The following CSF1 variants were observed in gnomAD, a reference collection of about 807,000 sequenced individuals.
The protein encoded by CSF1 is colony stimulating factor 1.
A neutral mutation model predicts 48.9 loss-of-function variants in CSF1; 9 were observed. The observed-to-expected ratio is 0.18, with a 90% confidence interval of 0.11 to 0.32. The LOEUF (loss-of-function observed/expected upper bound fraction) is 0.32, where lower values mean the gene tolerates loss of function less well. Ranked by LOEUF, CSF1 falls within the 10% of genes least tolerant of loss-of-function variation. The probability of loss-of-function intolerance (pLI) is 1.00; values close to 1 mark genes in which losing one functional copy is unlikely to be tolerated. For synonymous variants in CSF1, 305 were observed against 284.1 expected, an observed-to-expected ratio of 1.07 and a Z score of -0.74; for missense variants, 672 against 697.9, an observed-to-expected ratio of 0.96 and a Z score of 0.42.
chr1:109,923,449 C>A lies in CSF1; in HGVS notation c.828C>A (p.Gly276=). Residue 276 remains glycine (G), a synonymous_variant, in exon 6 of 9, where the codon GGC becomes GGA. Coordinates refer to ENST00000329608, the MANE Select transcript of CSF1 (RefSeq NM_000757.6). ...TPVVKDSTIG[G]SPQPRPSVGA... ...TTGTCAAGGACAGCACCATCGGTGGCTCACCACAGCCTCGCCCCTCTGTCG... is the reference window on the plus strand; with the variant it reads ...TTGTCAAGGACAGCACCATCGGTGGATCACCACAGCCTCGCCCCTCTGTCG... The A allele has an allele frequency of 1.2e-6, 2 of 1,614,140 alleles. No individual in the cohort carries two copies. Among genetic ancestry groups the A allele is most frequent in the African/African-American group, 2.7e-5 (2 of 75,036 alleles).
chr1:109,919,659 G>C (rs947012237), intron 4 of CSF1, among the ~76,000 whole-genome samples: 2 of 152,226 alleles, frequency 1.3e-5, no homozygotes, highest in Non-Finnish European at 2.9e-5. Flanking sequence ...TGATACACTG[G>C]GTTTAAGAGT....
intron 1 of CSF1, among the ~76,000 whole-genome samples, chr1:109,911,309 CA>C (rs954796272): frequency 2.0e-5 from 3 of 152,192 alleles, no homozygotes; most frequent in African/African-American, 7.2e-5. Context: ...CTGCTCACCC[CA>C]TTGCACGGAG....
chr1:109,911,012 C>T lies in CSF1; in HGVS notation c.-12C>T. 8.6e-7 allele frequency: 1 copy of T among 1,169,182 alleles called. No homozygotes were observed. The highest frequency in any genetic ancestry group is 1.1e-6 in the Non-Finnish European group (1 of 949,298). The allele number at this position is 1,169,182 out of a possible 1,614,324, so 72.4% of individuals were successfully genotyped here. On this transcript the variant is annotated 5_prime_UTR_variant, in exon 1 of 9. Transcript: ENST00000329608. ...GGCGGCCGACGCGCCCGGCCGGGAC[C>T]CAGCTGCCCGTATGACCGCGCCGGG... is the stretch of plus-strand genomic sequence containing the variant.
Position 109,921,865 on chromosome 1 carries a change from T to C in CSF1, c.415T>C (p.Tyr139His). 6.2e-7 allele frequency: 1 copy of C among 1,600,592 alleles called. No homozygotes were observed. The highest frequency in any genetic ancestry group is 8.5e-7 in the Non-Finnish European group (1 of 1,171,018). ...EHDKACVRTFYETPLQLLEKV... is the reference protein window; with the variant it reads ...EHDKACVRTFHETPLQLLEKV... ...CTTCCAGGCCTGCGTCCGAACTTTC[T>C]ATGAGACACCTCTCCAGTTGCTGGA... Residue 139 changes from tyrosine to histidine, a missense_variant, in exon 5 of 9, where the codon TAT becomes CAT. Transcript: ENST00000329608.
At chr1:109,920,026 T>C (rs897087810) in intron 4 of CSF1, among the ~76,000 whole-genome samples, 2 of 151,846 alleles carry the variant, frequency 1.3e-5, no homozygotes, top group Non-Finnish European at 1.5e-5. Context: ...GCACTGATGA[T>C]TATGACCCCC....
rs535821543 is a variant in CSF1 at position 109,913,779 on chromosome 1, G to T, written c.40-480G>T. 9.2e-5 allele frequency among the ~76,000 whole-genome samples: 14 copies of T among 152,368 alleles called. No individual in the cohort carries two copies. In the East Asian group the frequency reaches 1.3e-3, roughly 15 times the overall value. ...CAGAGCCAGATCTGCATGGAACCAG[G>T]TGGGAGGAAATGCTGGGCCCAGGGG... On this transcript the variant is annotated intron_variant, in intron 1 of 8. Transcript: ENST00000329608.
intron 1 of CSF1, among the ~76,000 whole-genome samples, chr1:109,912,670 T>C (rs1438327936): frequency 6.6e-6 from 1 of 152,212 alleles, no homozygotes; most frequent in East Asian, 1.9e-4. Context: ...CCAGGGAGGT[T>C]GTCTTCCTGA....
rs897850409 is a variant in CSF1, at chr1:109,921,075, G to A, written c.397-772G>A. On this transcript the variant is annotated intron_variant, in intron 4 of 8. Transcript: ENST00000329608. The stretch of plus-strand genomic sequence containing the variant: ...GACCCATATGCCTGGCGGCTGCCCC[G>A]TTCCCTTCTCCACACCACAGCTCAA... 7.9e-5 allele frequency among the ~76,000 whole-genome samples: 12 copies of A among 151,918 alleles called. No homozygotes were observed. The South Asian group carries it at 1.0e-3, about 13-fold the overall frequency.
chr1:109,924,005 G>A lies in CSF1; in HGVS notation c.1384G>A (p.Glu462Lys). The change falls in exon 6 of 9, where the codon GAA (glutamate) becomes AAA (lysine). Residue 462 changes from glutamate (E) to lysine (K), a missense_variant. Physicochemically the swap from Glu to Lys is moderately conservative, Grantham distance 56 (BLOSUM62 1). Around this residue, in one of 3 missense-constraint regions of CSF1, gnomAD observed 591 missense variants for 593.6 expected, o/e 1.00. Transcript: ENST00000329608. Reference sequence around the variant, plus strand: ...AGAGCCAGAAGGAGGACCAGCAAGTGAAGGGGCAGCCAGGCCCCTGCCCCG... The same window carrying A: ...AGAGCCAGAAGGAGGACCAGCAAGTAAAGGGGCAGCCAGGCCCCTGCCCCG... ...PAEPEGGPAS[E>K]GAARPLPRFN... is the part of the protein sequence containing the mutation. The A allele has an allele frequency of 6.2e-7, 1 of 1,614,204 alleles. No individual in the cohort carries two copies. Among genetic ancestry groups the A allele is most frequent in the Non-Finnish European group, 8.5e-7 (1 of 1,180,032 alleles).
chr1:109,920,921 G>T (rs566976095), intron 4 of CSF1, among the ~76,000 whole-genome samples: 1 of 152,264 alleles, frequency 6.6e-6, no homozygotes, highest in South Asian at 2.1e-4. Flanking sequence ...AAAGGTGGGA[G>T]AAGACCCAGG....
intron 8 of CSF1, among the ~76,000 whole-genome samples, chr1:109,927,611 C>T (rs545309664): frequency 1.3e-5 from 2 of 152,212 alleles, no homozygotes; most frequent in African/African-American, 4.8e-5. Flanking sequence ...TCCTCTTCCC[C>T]CTCAAGATTT....
Position 109,923,320 on chromosome 1 carries a change from C to G in CSF1, c.699C>G (p.Ser233=). 1.2e-6 allele frequency: 2 copies of G among 1,612,822 alleles called. No individual in the cohort carries two copies. The highest frequency in any genetic ancestry group is 8.5e-7 in the Non-Finnish European group (1 of 1,179,324). ...ACTCTGAGGGAACTGAGGGCAGCTC[C>G]CTCTTGCCTGGTGAGCAGCCCCTGC... ...WEDSEGTEGS[S]LLPGEQPLHT... Residue 233 remains serine, a synonymous_variant, in exon 6 of 9, where the codon TCC becomes TCG. Coordinates refer to ENST00000329608, the MANE Select transcript of CSF1 (RefSeq NM_000757.6).
chr1:109,922,448 TC>T, intron 5 of CSF1: 1 of 157,912 alleles, frequency 6.3e-6, no homozygotes, highest in Non-Finnish European at 1.4e-5. Context: ...GCTCCAGAAG[TC>T]CCCAGGATGC....
At chr1:109,915,599 T>C in intron 2 of CSF1, 35 bp from the exon 3 acceptor site, 4 of 1,581,636 alleles carry the variant, frequency 2.5e-6, no homozygotes, top group Non-Finnish European at 3.5e-6. Context: ...GAGCTGTAGG[T>C]TACCCTGCAA....
chr1:109,911,690 G>T (rs1381700126), intron 1 of CSF1, among the ~76,000 whole-genome samples: 1 of 152,234 alleles, frequency 6.6e-6, no homozygotes, highest in Non-Finnish European at 1.5e-5. Context: ...CCCACCCCCG[G>T]GGCTGCTTGG....
In CSF1 at chr1:109,923,719, C is replaced by G; in HGVS notation, c.1098C>G (p.Ala366=). 1.2e-6 allele frequency: 2 copies of G among 1,612,642 alleles called. No homozygotes were observed. Among genetic ancestry groups the G allele is most frequent in the Non-Finnish European group, 8.5e-7 (1 of 1,179,222 alleles). ...AGCCGGCAGATGTAACTGGTACCGC[C>G]TTGCCCAGGGTGGGCCCCGTGAGGC... is the stretch of plus-strand genomic sequence containing the variant. ...GQQPADVTGT[A]LPRVGPVRPT... Residue 366 remains alanine, a synonymous_variant, in exon 6 of 9, where the codon GCC becomes GCG. Transcript: ENST00000329608.
Position 109,923,343 on chromosome 1 carries a change from T to G in CSF1, c.722T>G (p.Leu241Arg), listed in dbSNP as rs199934990. Reference protein sequence around the residue: ...GSSLLPGEQPLHTVDPGSAKQ... With the variant: ...GSSLLPGEQPRHTVDPGSAKQ... ...TCCCTCTTGCCTGGTGAGCAGCCCCTGCACACAGTGGATCCAGGCAGTGCC... is the reference window on the plus strand; with the variant it reads ...TCCCTCTTGCCTGGTGAGCAGCCCCGGCACACAGTGGATCCAGGCAGTGCC... Residue 241 changes from leucine to arginine, a missense_variant, in exon 6 of 9, where the codon CTG becomes CGG. Around this residue, in one of 3 missense-constraint regions of CSF1, gnomAD observed 591 missense variants for 593.6 expected, o/e 1.00. Coordinates refer to ENST00000329608, the MANE Select transcript of CSF1 (RefSeq NM_000757.6). The G allele has an allele frequency of 6.2e-7, 1 of 1,612,440 alleles. No homozygotes were observed. Among genetic ancestry groups the G allele is most frequent in the African/African-American group, 1.3e-5 (1 of 74,900 alleles).
Position 109,930,874 on chromosome 1 carries a change from T to G in CSF1, c.*2036T>G, listed in dbSNP as rs888620051. On this transcript the variant is annotated 3_prime_UTR_variant, in exon 9 of 9. Transcript: ENST00000329608. ...AGAGAGGACATTGGCTCACGCACTG[T>G]GAGATTTTGTTTTTATACTTGGAAG... The G allele has an allele frequency of 6.6e-6, 1 of 152,168 alleles. No individual in the cohort carries two copies. The highest frequency in any genetic ancestry group is 6.5e-5 in the Admixed American group (1 of 15,278). The allele number at this position is 152,168 out of a possible 1,614,324, so 9.4% of individuals were successfully genotyped here.
At chr1:109,926,290 C>T (rs1331599484) in intron 8 of CSF1, 4 of 152,208 alleles carry the variant, frequency 2.6e-5, no homozygotes, top group Admixed American at 6.5e-5. Context: ...AGCCTGTGGT[C>T]TATTAAAACC....
Sources: allele counts gnomAD v4.1 joint callset (sites outside exome capture counted in the v4.1 genomes callset), GRCh38; gene constraint gnomAD v4.1.1; regional missense constraint gnomAD v4.1.1; transcripts MANE v1.5; gene names NCBI Gene and HGNC (gene_info 2026-07-23, HGNC 2026-07-21).